The following HELZ variants were observed in gnomAD, a reference collection of about 807,000 sequenced individuals.
The protein encoded by HELZ is helicase with zinc finger, also known as ATP-dependent RNA helicase with zinc finger domain.
In HELZ, 23 loss-of-function variants were observed where a neutral mutation model predicts 218.2. The observed-to-expected ratio is 0.11, with a 90% CI of 0.08 to 0.15. The LOEUF is 0.15. HELZ is among the 10% of genes least tolerant of loss of function. The probability of loss-of-function intolerance (pLI) is 1.00; values close to 1 mark genes in which losing one functional copy is unlikely to be tolerated. For missense variants in HELZ, 1,813 were observed against 2,353.7 expected, an observed-to-expected ratio of 0.77 and a Z score of 4.75; for synonymous variants, 814 against 829.4, an observed-to-expected ratio of 0.98 and a Z score of 0.32.
chr17:67,082,621 T>C (rs1300742580), intron 32 of HELZ, among the ~76,000 whole-genome samples: 1 of 152,184 alleles, frequency 6.6e-6, no homozygotes, highest in East Asian at 1.9e-4. Context: ...CTTTCTAGTA[T>C]ATTTATCACT....
intron 5 of HELZ, among the ~76,000 whole-genome samples, chr17:67,214,265 T>C: frequency 8.2e-6 from 1 of 122,448 alleles, no homozygotes; most frequent in African/African-American, 2.8e-5. Flanking sequence ...ATTTCTTTTT[T>C]TTTTTTTTTT....
chr17:67,186,568 C>A (rs1284754340), intron 12 of HELZ, among the ~76,000 whole-genome samples: 1 of 152,164 alleles, frequency 6.6e-6, no homozygotes, highest in Non-Finnish European at 1.5e-5. Context: ...CTTTTCATCA[C>A]CACCTTTTCT....
chr17:67,228,709 T>A (rs1953684603), intron 3 of HELZ, among the ~76,000 whole-genome samples: 1 of 149,428 alleles, frequency 6.7e-6, no homozygotes, highest in Admixed American at 6.7e-5. Context: ...AATTGATACA[T>A]TATTATTATT....
chr17:67,082,709 TAA>T (rs1391584927), intron 32 of HELZ, among the ~76,000 whole-genome samples: 2 of 152,110 alleles, frequency 1.3e-5, no homozygotes, highest in Non-Finnish European at 2.9e-5. Flanking sequence ...TATTTCAATA[TAA>T]GTGTTTTTTG....
In HELZ at chr17:67,178,927, C is replaced by A; in HGVS notation, c.1163-1G>T. ...TTTGCATGCATCAGGTATTCGAGAT[C>A]TAAATGGAAACAAAAAACACATTTA... On this transcript the variant is annotated splice_acceptor_variant, in intron 12 of 32. Transcript: ENST00000358691. LOFTEE classifies it high-confidence loss of function. The A allele has an allele frequency of 1.3e-6, 2 of 1,571,586 alleles. No homozygotes were observed. The highest frequency in any genetic ancestry group is 1.9e-5 in the Admixed American group (1 of 52,644).
At chr17:67,138,965 TA>T (rs557979872) in intron 21 of HELZ, among the ~76,000 whole-genome samples, 1 of 151,662 alleles carries the variant, frequency 6.6e-6, no homozygotes. Flanking sequence ...AGAGTCATAA[TA>T]AAAAAAATAT....
upstream of HELZ, chr17:67,245,625 G>A: frequency 1.4e-6 from 1 of 708,430 alleles, no homozygotes; most frequent in Non-Finnish European, 1.7e-6. Flanking sequence ...GGAAGCCCGC[G>A]AGCGGCCGGG....
intron 17 of HELZ, among the ~76,000 whole-genome samples, chr17:67,154,864 A>G (rs887069382): frequency 1.1e-4 from 16 of 152,212 alleles, no homozygotes; most frequent in African/African-American, 3.1e-4. Flanking sequence ...GCTCACATAA[A>G]AACATCTCTG....
intron 21 of HELZ, among the ~76,000 whole-genome samples, chr17:67,141,638 C>T (rs1483635355): frequency 6.6e-6 from 1 of 151,742 alleles, no homozygotes; most frequent in Non-Finnish European, 1.5e-5. Flanking sequence ...TTCTATAGCC[C>T]ATTGGAATTC....
At chr17:67,138,871 C>G (rs2038232326) in intron 21 of HELZ, among the ~76,000 whole-genome samples, 1 of 152,084 alleles carries the variant, frequency 6.6e-6, no homozygotes, top group African/African-American at 2.4e-5. Flanking sequence ...CAATGTCTGG[C>G]ACAGTGGAGA....
intron 5 of HELZ, among the ~76,000 whole-genome samples, chr17:67,214,562 G>A (rs1231088442): frequency 2.0e-5 from 3 of 151,368 alleles, no homozygotes; most frequent in African/African-American, 2.4e-5. Flanking sequence ...CACCACGCCC[G>A]GCCTAATACT....
intron 19 of HELZ, among the ~76,000 whole-genome samples, chr17:67,149,279 G>A (rs1598323423): frequency 6.6e-6 from 1 of 152,094 alleles, no homozygotes; most frequent in Non-Finnish European, 1.5e-5. Context: ...TTGATGTCCC[G>A]ACAGCTATAT....
chr17:67,123,227 A>G, intron 25 of HELZ, 67 bp from the exon 26 acceptor site: 1 of 908,294 alleles, frequency 1.1e-6, no homozygotes, highest in Non-Finnish European at 1.6e-6. Flanking sequence ...AAATAATTTA[A>G]ATCATTCAAC....
At chr17:67,242,533 TATGTATATATA>T (rs1414763270) in intron 2 of HELZ, among the ~76,000 whole-genome samples, 29 of 602 alleles carry the variant, frequency 0.048, no homozygotes, top group Non-Finnish European at 0.091. Flanking sequence ...TACACACATA[TATGTATATATA>T]CACACATATA....
intron 15 of HELZ, among the ~76,000 whole-genome samples, chr17:67,162,552 C>A (rs1020484411): frequency 2.6e-5 from 4 of 151,938 alleles, no homozygotes; most frequent in Non-Finnish European, 5.9e-5. Flanking sequence ...AATGGTTACC[C>A]TAAAACCATC....
intron 17 of HELZ, among the ~76,000 whole-genome samples, chr17:67,151,465 CTAAT>C (rs1029854172): frequency 6.6e-5 from 10 of 152,186 alleles, no homozygotes; most frequent in Non-Finnish European, 1.2e-4. Flanking sequence ...AAATAAACAC[CTAAT>C]TATTTTTAAG....
rs2036085262 is a variant in HELZ, at chr17:67,078,487, T to C, written c.5594A>G (p.Gln1865Arg). ...CTTGTTAGGCATAAGGGGTGGAAAC[T>C]GGCCAAGATGCTGCAGCACACTGTA... is the stretch of plus-strand genomic sequence containing the variant. The part of the protein sequence containing the change: ...FNYSVLQHLG[Q>R]FPPLMPNKQI... The change falls in exon 33 of 33, where the codon CAG becomes CGG. Residue 1865 changes from glutamine (Q) to arginine (R), a missense_variant. By Grantham distance (43) the Gln-to-Arg change is conservative (BLOSUM62 1). Around this residue, in one of 4 missense-constraint regions of HELZ, gnomAD observed 938 missense variants for 1,027.5 expected, o/e 0.91. Transcript: ENST00000358691. The C allele has an allele frequency of 1.3e-6, 2 of 1,574,040 alleles. No homozygotes were observed. The highest frequency in any genetic ancestry group is 1.7e-6 in the Non-Finnish European group (2 of 1,163,410).
At chr17:67,134,195 C>T (rs934317951) in intron 23 of HELZ, among the ~76,000 whole-genome samples, 1 of 152,096 alleles carries the variant, frequency 6.6e-6, no homozygotes, top group Non-Finnish European at 1.5e-5. Context: ...ACCAGCCTGA[C>T]CAACATGGAG....
At chr17:67,078,693 G>A (rs1464987292) in intron 32 of HELZ, 107 bp from the exon 33 acceptor site, 6 of 721,752 alleles carry the variant, frequency 8.3e-6, no homozygotes, top group Admixed American at 2.9e-5. Context: ...GGAACTCAAG[G>A]ACAGTATAGC....
Sources: allele counts gnomAD v4.1 joint callset (sites outside exome capture counted in the v4.1 genomes callset), GRCh38; gene constraint gnomAD v4.1.1; regional missense constraint gnomAD v4.1.1; transcripts MANE v1.5; gene names NCBI Gene and HGNC (gene_info 2026-07-23, HGNC 2026-07-21).